Variants in ASTN2 observed in about 807,000 individuals in gnomAD.
The protein encoded by ASTN2 is astrotactin-2.
In ASTN2, 54 loss-of-function variants were observed where a neutral mutation model predicts 139.8. That is an observed-to-expected ratio of 0.39 (90% confidence interval 0.31 to 0.48). The LOEUF is 0.48. Among genes scored for constraint, ASTN2 ranks in the 20% least tolerant of loss-of-function variants. The pLI is 0.95. For synonymous variants in ASTN2, 756 were observed against 719.5 expected (o/e 1.05, Z -0.81); for missense variants, 1,565 against 1,725.1 (o/e 0.91, Z 1.64).
chr9:117,099,906 G>A (rs947316226), intron 4 of ASTN2, among the ~76,000 whole-genome samples: 2 of 152,212 alleles, frequency 1.3e-5, no homozygotes, highest in African/African-American at 2.4e-5. Context: ...GGTAGTAAGT[G>A]GGAGAAATGG....
chr9:117,015,096 G>A (rs1297916045), intron 6 of ASTN2, among the ~76,000 whole-genome samples: 4 of 151,938 alleles, frequency 2.6e-5, no homozygotes, highest in South Asian at 2.1e-4. Context: ...CTGCAGCCTC[G>A]ACCTCCCTGG....
chr9:117,364,040 G>C (rs1006550976), intron 1 of ASTN2, among the ~76,000 whole-genome samples: 2 of 152,140 alleles, frequency 1.3e-5, no homozygotes, highest in Non-Finnish European at 2.9e-5. Context: ...CATTTTCTGA[G>C]TCATATTCAC....
At chr9:116,882,110 A>G (rs534057044) in intron 10 of ASTN2, among the ~76,000 whole-genome samples, 19 of 152,304 alleles carry the variant, frequency 1.2e-4, no homozygotes, top group African/African-American at 4.3e-4. Context: ...TCCATTTATT[A>G]TTACAAATAT....
At chr9:116,838,037 A>G (rs1438169213) in intron 11 of ASTN2, among the ~76,000 whole-genome samples, 1 of 151,916 alleles carries the variant, frequency 6.6e-6, no homozygotes, top group Non-Finnish European at 1.5e-5. Flanking sequence ...AAACACTAGC[A>G]GGCCCTGGAT....
chr9:117,311,553 T>C (rs1200454914), intron 1 of ASTN2, among the ~76,000 whole-genome samples: 5 of 152,168 alleles, frequency 3.3e-5, no homozygotes. Flanking sequence ...CCCTTTGTTT[T>C]ACAGATGCAG....
chr9:117,208,063 A>G (rs1488910205), intron 3 of ASTN2, among the ~76,000 whole-genome samples: 1 of 152,218 alleles, frequency 6.6e-6, no homozygotes, highest in East Asian at 1.9e-4. Context: ...TTTCTACCAC[A>G]TGCTAAGAAA....
Position 116,858,012 on chromosome 9 carries a change from G to A in ASTN2, c.2040+5571C>T, listed in dbSNP as rs572870120. Among the ~76,000 whole-genome samples the A allele has an allele frequency of 5.3e-5, 8 of 152,242 alleles. No homozygotes were observed. In the East Asian group the frequency reaches 1.5e-3, roughly 29 times the overall value. On this transcript the variant is annotated intron_variant, in intron 11 of 22. Coordinates refer to ENST00000313400, the MANE Select transcript of ASTN2 (RefSeq NM_001365068.1). ...ATGTGAGAAGCCCAAGCCAAATGGGGAGCCCAAGAAAAAATCCTCTATCCA... is the reference window on the plus strand; with the variant it reads ...ATGTGAGAAGCCCAAGCCAAATGGGAAGCCCAAGAAAAAATCCTCTATCCA...
intron 16 of ASTN2, among the ~76,000 whole-genome samples, chr9:116,694,693 G>A (rs981780880): frequency 1.4e-5 from 2 of 147,678 alleles, no homozygotes; most frequent in Non-Finnish European, 3.0e-5. Flanking sequence ...GGATGGTCTC[G>A]ATCTCCTGAC....
intron 3 of ASTN2, among the ~76,000 whole-genome samples, chr9:117,203,779 G>T (rs1339083095): frequency 1.3e-5 from 2 of 152,148 alleles, no homozygotes; most frequent in Non-Finnish European, 2.9e-5. Flanking sequence ...GATGCCAGTA[G>T]GTTCGCTCCT....
intron 7 of ASTN2, among the ~76,000 whole-genome samples, chr9:116,993,663 T>A (rs986067170): frequency 6.7e-6 from 1 of 148,180 alleles, no homozygotes; most frequent in African/African-American, 2.5e-5. Flanking sequence ...ATATTTCATA[T>A]ATAGTAACGA....
At chr9:117,348,299 A>G (rs184547884) in intron 1 of ASTN2, among the ~76,000 whole-genome samples, 9 of 152,312 alleles carry the variant, frequency 5.9e-5, no homozygotes, top group African/African-American at 1.9e-4. Context: ...GAACATAAAC[A>G]AAATATTGGG....
rs7467098 is a variant in ASTN2 at position 117,016,616 on chromosome 9, C to G, written c.1424-8357G>C. Among the ~76,000 whole-genome samples the G allele has an allele frequency of 6.8e-3, 288 of 42,440 alleles. 29 individuals are homozygous for G. Among genetic ancestry groups the G allele is most frequent in the Middle Eastern group, 0.023 (2 of 86 alleles). 27.8% of individuals were successfully genotyped at this position (42,440 alleles called of 152,430 possible). A position where few individuals can be genotyped will look rare whatever the true frequency, so the allele number is the denominator to read the frequency against. Reference sequence around the variant, plus strand: ...TTTATATATATATCTATATCTATATCTATCTATCTATATATATATATATAT... The same window carrying G: ...TTTATATATATATCTATATCTATATGTATCTATCTATATATATATATATAT... On this transcript the variant is annotated intron_variant, in intron 6 of 22. Coordinates refer to ENST00000313400, the MANE Select transcript of ASTN2 (RefSeq NM_001365068.1).
At chr9:116,475,163 TAGG>T (rs1848938747) in intron 20 of ASTN2, among the ~76,000 whole-genome samples, 1 of 152,180 alleles carries the variant, frequency 6.6e-6, no homozygotes, top group Non-Finnish European at 1.5e-5. Context: ...ATGTAATAAT[TAGG>T]AGGTTTCACA....
At chr9:117,169,977 G>A (rs1830754075) in intron 3 of ASTN2, among the ~76,000 whole-genome samples, 1 of 152,046 alleles carries the variant, frequency 6.6e-6, no homozygotes, top group South Asian at 2.1e-4. Context: ...TGGCTATCTT[G>A]GGTTTGAATC....
intron 20 of ASTN2, among the ~76,000 whole-genome samples, chr9:116,453,282 G>C (rs986497417): frequency 6.6e-6 from 1 of 152,132 alleles, no homozygotes; most frequent in African/African-American, 2.4e-5. Context: ...AACAATACTT[G>C]CCTCACAAGA....
Position 117,308,638 on chromosome 9 carries a change from C to T in ASTN2, c.443-17125G>A, listed in dbSNP as rs552592593. ...TCCAGGCTGATCAAGGAACAGGGAC[C>T]TGGATAAGAAGAGAAAGTTTGGGGA... On this transcript the variant is annotated intron_variant, in intron 1 of 22. Coordinates refer to ENST00000313400, the MANE Select transcript of ASTN2 (RefSeq NM_001365068.1). Among the ~76,000 whole-genome samples the T allele has an allele frequency of 3.3e-5, 5 of 152,038 alleles. No homozygotes were observed. The South Asian group carries it at 6.3e-4, about 19-fold the overall frequency.
chr9:117,150,502 G>A (rs547618454), intron 3 of ASTN2, among the ~76,000 whole-genome samples: 59 of 152,244 alleles, frequency 3.9e-4, no homozygotes, highest in African/African-American at 1.4e-3. Flanking sequence ...TTACCACCTT[G>A]ATAGCAATGT....
intron 7 of ASTN2, among the ~76,000 whole-genome samples, chr9:116,992,588 A>T (rs928728072): frequency 6.6e-6 from 1 of 152,040 alleles, no homozygotes; most frequent in African/African-American, 2.4e-5. Context: ...GCAAAGCTCT[A>T]TTCACCCTCT....
intron 10 of ASTN2, among the ~76,000 whole-genome samples, chr9:116,876,888 T>C (rs1356316341): frequency 6.6e-6 from 1 of 152,232 alleles, no homozygotes; most frequent in Admixed American, 6.5e-5. Context: ...TATTGTGATA[T>C]TTGCTTTATT....
Sources: gnomAD v4.1 joint callset for allele counts (sites outside exome capture counted in the v4.1 genomes callset) on GRCh38, gnomAD v4.1.1 for gene constraint, MANE v1.5 for transcripts, NCBI Gene and HGNC (gene_info 2026-07-23, HGNC 2026-07-21) for gene names.